The following SSH1 variants were observed in gnomAD, a reference collection of about 807,000 sequenced individuals.
SSH1 encodes the protein protein phosphatase Slingshot homolog 1.
SSH1 carries 43 observed loss-of-function variants against 79.7 expected under a neutral mutation model. That is an observed-to-expected ratio of 0.54 (90% CI 0.42 to 0.70). The LOEUF is 0.70. Ranked by LOEUF, SSH1 falls within the 30% of genes least tolerant of loss-of-function variation. The pLI is 0.00. For missense variants in SSH1, 1,206 were observed against 1,358.8 expected (o/e 0.89, Z 1.77); for synonymous variants, 599 against 538.3 (o/e 1.11, Z -1.56).
intron 13 of SSH1, among the ~76,000 whole-genome samples, chr12:108,794,474 C>T (rs779345265): frequency 3.3e-5 from 5 of 152,200 alleles, no homozygotes; most frequent in Non-Finnish European, 7.3e-5. Context: ...CTTATCCCTG[C>T]CCTGATCCTC....
intron 10 of SSH1, among the ~76,000 whole-genome samples, chr12:108,804,018 G>GTTA (rs1174289975): frequency 2.0e-5 from 3 of 151,944 alleles, no homozygotes; most frequent in Admixed American, 2.0e-4. Context: ...TCTAACAATG[G>GTTA]TTACCATTAG....
At chr12:108,815,515 C>A (rs1162822364) in intron 5 of SSH1, among the ~76,000 whole-genome samples, 1 of 152,238 alleles carries the variant, frequency 6.6e-6, no homozygotes, top group African/African-American at 2.4e-5. Context: ...AAAAGCTAGA[C>A]AGTCACTGGA....
rs1022147513 is a variant in SSH1, at chr12:108,785,736, C to A, written c.*2252G>T. Reference sequence around the variant, plus strand: ...AAAATTAAAGTTTTCAAAAATATATCATTCTCATACATAGACGTGGTTAAA... The same window carrying A: ...AAAATTAAAGTTTTCAAAAATATATAATTCTCATACATAGACGTGGTTAAA... On this transcript the variant is annotated 3_prime_UTR_variant, in exon 15 of 15. Coordinates refer to ENST00000326495, the MANE Select transcript of SSH1 (RefSeq NM_018984.4). The A allele has an allele frequency of 6.6e-6, 1 of 151,408 alleles. No individual in the cohort carries two copies. Among genetic ancestry groups the A allele is most frequent in the Non-Finnish European group, 1.5e-5 (1 of 67,978 alleles). 9.4% of individuals were successfully genotyped at this position (151,408 alleles called of 1,614,324 possible). A position where few individuals can be genotyped will look rare whatever the true frequency, so the allele number is the denominator to read the frequency against.
chr12:108,823,146 G>A (rs888690061), intron 3 of SSH1, 112 bp downstream of exon 3: 10 of 1,027,354 alleles, frequency 9.7e-6, no homozygotes, highest in Non-Finnish European at 1.5e-5. Context: ...CTGCAAACCT[G>A]CGTCCACTAT....
At chr12:108,828,035 C>G (rs114937902) in intron 2 of SSH1, among the ~76,000 whole-genome samples, 1 of 152,134 alleles carries the variant, frequency 6.6e-6, no homozygotes, top group Admixed American at 6.5e-5. Flanking sequence ...CACAAGCCAG[C>G]CAAGAGCTGT....
intron 2 of SSH1, among the ~76,000 whole-genome samples, chr12:108,832,813 G>T (rs1423522900): frequency 6.6e-6 from 1 of 152,100 alleles, no homozygotes; most frequent in Non-Finnish European, 1.5e-5. Context: ...CAGAGCCTAA[G>T]AAAACAAGTA....
Position 108,807,761 on chromosome 12 carries a change from A to G in SSH1, c.603T>C (p.Gly201=). The G allele has an allele frequency of 1.2e-6, 2 of 1,613,502 alleles. No homozygotes were observed. Among genetic ancestry groups the G allele is most frequent in the Non-Finnish European group, 1.7e-6 (2 of 1,179,824 alleles). ...AGTAGGTAGCCCAGATGAGAGCTACACCCCCGGGGAAGTAGTTGTGCCTCC... is the reference window on the plus strand; with the variant it reads ...AGTAGGTAGCCCAGATGAGAGCTACGCCCCCGGGGAAGTAGTTGTGCCTCC... ...VARRHNYFPG[G]VALIWATYYE... The change falls in exon 8 of 15, where the codon GGT becomes GGC. Residue 201 remains glycine, a synonymous_variant. Transcript: ENST00000326495. The surrounding 1 kb of genome is among the most constrained non-coding windows in gnomAD (Gnocchi z 5.2).
chr12:108,788,714 C>T lies in SSH1; in HGVS notation c.2424G>A (p.Gln808=). The part of the protein sequence containing the change: ...EKPTTNSYLM[Q]HQESIIQLQK... ...GCAGCTGAATGATGGACTCCTGGTG[C>T]TGCATCAGGTAGCTGTTGGTTGTCG... The change falls in exon 15 of 15, where the codon CAG becomes CAA. Residue 808 remains glutamine (Q), a synonymous_variant. Transcript: ENST00000326495. 6.2e-7 allele frequency: 1 copy of T among 1,614,256 alleles called. No homozygotes were observed. Among genetic ancestry groups the T allele is most frequent in the South Asian group, 1.1e-5 (1 of 91,088 alleles).
intron 14 of SSH1, among the ~76,000 whole-genome samples, chr12:108,790,936 G>A (rs917367530): frequency 5.3e-5 from 8 of 152,136 alleles, no homozygotes; most frequent in Admixed American, 3.9e-4. Flanking sequence ...CTTCCCCCAT[G>A]GAGGAGGGAA....
chr12:108,817,872 C>T (rs1181198971), intron 4 of SSH1, among the ~76,000 whole-genome samples: 1 of 152,068 alleles, frequency 6.6e-6, no homozygotes, highest in African/African-American at 2.4e-5. Context: ...TTATCATTCA[C>T]GAATGGTTCC....
chr12:108,827,682 T>G (rs1206157578), intron 2 of SSH1: 1 of 617,708 alleles, frequency 1.6e-6, no homozygotes, highest in African/African-American at 1.9e-5. Flanking sequence ...CATTCGACAT[T>G]GTGAGGGCAA....
intron 6 of SSH1, 124 bp downstream of exon 6, chr12:108,811,136 C>T (rs1325228030): frequency 4.6e-5 from 42 of 905,662 alleles, no homozygotes; most frequent in Non-Finnish European, 7.1e-5. Flanking sequence ...TGATTTCTCC[C>T]GCTGTGACAC....
chr12:108,796,747 CTT>C (rs781534722), intron 13 of SSH1, among the ~76,000 whole-genome samples: 13 of 144,730 alleles, frequency 9.0e-5, no homozygotes, highest in East Asian at 2.0e-4. Context: ...AATTTTATTC[CTT>C]TTTTTTTTTT....
At chr12:108,818,874 C>T (rs58617570) in intron 3 of SSH1, among the ~76,000 whole-genome samples, 125 of 152,322 alleles carry the variant, frequency 8.2e-4, no homozygotes, top group African/African-American at 3.0e-3. Context: ...CTGCTTCAGC[C>T]TCCTAAGTAG....
At chr12:108,796,635 G>A (rs1379686860) in intron 13 of SSH1, among the ~76,000 whole-genome samples, 1 of 152,062 alleles carries the variant, frequency 6.6e-6, no homozygotes, top group East Asian at 1.9e-4. Flanking sequence ...TTTGGCTATC[G>A]TGGATAATGT....
intron 6 of SSH1, 100 bp from the exon 7 acceptor site, chr12:108,809,858 G>T: frequency 1.0e-6 from 1 of 985,966 alleles, no homozygotes; most frequent in Non-Finnish European, 1.6e-6. Context: ...GCGCACGCTG[G>T]GAACAAGCAC....
chr12:108,811,451 A>G (rs965367547), intron 5 of SSH1, 123 bp from the exon 6 acceptor site: 14 of 829,434 alleles, frequency 1.7e-5, no homozygotes, highest in Non-Finnish European at 2.7e-5. Context: ...GGCTGTCTGC[A>G]TAGGAACCGT....
At position 108,780,408 on chromosome 12, in the gene SSH1, T is replaced by C. The variant is rs547987194; in HGVS notation, c.*7580A>G. 6.6e-6 allele frequency: 1 copy of C among 152,306 alleles called. No homozygotes were observed. The highest frequency in any genetic ancestry group is 1.9e-4 in the East Asian group (1 of 5,188). 9.4% of individuals were successfully genotyped at this position (152,306 alleles called of 1,614,324 possible). On this transcript the variant is annotated 3_prime_UTR_variant, in exon 15 of 15. Coordinates refer to ENST00000326495, the MANE Select transcript of SSH1 (RefSeq NM_018984.4). ...TGTCCTAGGGCCTTGAACAAATAAG[T>C]ATCGGATGAGTTTTATGAACACACA...
At chr12:108,801,672 G>A (rs752730263) in intron 11 of SSH1, among the ~76,000 whole-genome samples, 1 of 151,008 alleles carries the variant, frequency 6.6e-6, no homozygotes, top group Non-Finnish European at 1.5e-5. Context: ...ATTTTTAAAC[G>A]TGGTAATTCT....
Sources: gnomAD v4.1 joint callset for allele counts (sites outside exome capture counted in the v4.1 genomes callset) on GRCh38, gnomAD v4.1.1 for gene constraint, Gnocchi (gnomAD v3.1) non-coding constraint, MANE v1.5 for transcripts, NCBI Gene and HGNC (gene_info 2026-07-23, HGNC 2026-07-21) for gene names.